CNBD1: variants seen among roughly 807,000 people sequenced by gnomAD.
CNBD1 encodes the protein cyclic nucleotide-binding domain-containing protein 1.
A neutral mutation model predicts 54.4 loss-of-function variants in CNBD1; 71 were observed. The observed-to-expected ratio is 1.30, with a 90% CI of 1.08 to 1.59. CNBD1 has a LOEUF of 1.59. CNBD1 is among the 40% of genes most tolerant of loss of function. The probability of loss-of-function intolerance (pLI) is 0.00; values close to 1 mark genes in which losing one functional copy is unlikely to be tolerated. For missense variants in CNBD1, 659 were observed against 518.0 expected, an observed-to-expected ratio of 1.27 and a Z score of -2.64; for synonymous variants, 182 against 170.7, an observed-to-expected ratio of 1.07 and a Z score of -0.51.
chr8:87,283,930 G>A (rs555680614), intron 6 of CNBD1, among the ~76,000 whole-genome samples: 4 of 152,046 alleles, frequency 2.6e-5, no homozygotes, highest in Non-Finnish European at 5.9e-5. Context: ...ATTTGGACTT[G>A]CAGATTCGAG....
Position 86,889,815 on chromosome 8 carries a change from T to C in CNBD1, c.158+2204T>C, listed in dbSNP as rs114160938. Among the ~76,000 whole-genome samples, 631 of 152,268 alleles carry C rather than the reference T, an allele frequency of 4.1e-3. 4 individuals are homozygous for C. The highest frequency in any genetic ancestry group is 0.015 in the African/African-American group (611 of 41,574). On this transcript the variant is annotated intron_variant, in intron 2 of 10. Transcript: ENST00000518476. ...ACATTTGGCATAGAGTTCAATGTTT[T>C]GCACTGGATTTTATTTTGATGTTCA...
At chr8:87,237,875 A>G (rs1563519338) in intron 6 of CNBD1, among the ~76,000 whole-genome samples, 2 of 152,176 alleles carry the variant, frequency 1.3e-5, no homozygotes. Context: ...ATAAAAATGA[A>G]CAAGCCTATA....
chr8:87,122,965 A>C (rs912362082), intron 4 of CNBD1, among the ~76,000 whole-genome samples: 3 of 151,800 alleles, frequency 2.0e-5, no homozygotes, highest in Non-Finnish European at 4.4e-5. Flanking sequence ...ATTTGTTTTC[A>C]AATCTAGTAA....
chr8:87,377,979 T>C (rs549102017), intron 10 of CNBD1, among the ~76,000 whole-genome samples: 68 of 138,382 alleles, frequency 4.9e-4, no homozygotes, highest in African/African-American at 1.2e-3. Context: ...TCATGTCCTT[T>C]GCCCACTTTT....
intron 2 of CNBD1, among the ~76,000 whole-genome samples, chr8:87,389,512 G>T (rs554630247): frequency 1.6e-4 from 24 of 152,218 alleles, no homozygotes; most frequent in Non-Finnish European, 3.1e-4. Context: ...TTGCTTCAAA[G>T]AGAATAAAAT....
intron 2 of CNBD1, among the ~76,000 whole-genome samples, chr8:86,897,858 T>C (rs180731841): frequency 1.3e-5 from 2 of 152,222 alleles, no homozygotes; most frequent in East Asian, 1.9e-4. Context: ...TAAAAGTACC[T>C]CTTAGTATTT....
At chr8:86,903,961 T>C (rs568128359) in intron 2 of CNBD1, among the ~76,000 whole-genome samples, 1 of 152,006 alleles carries the variant, frequency 6.6e-6, no homozygotes, top group African/African-American at 2.4e-5. Flanking sequence ...TGTGAGAAAG[T>C]GAATAAAAAT....
At chr8:87,044,299 C>T (rs947928255) in intron 4 of CNBD1, among the ~76,000 whole-genome samples, 1 of 151,792 alleles carries the variant, frequency 6.6e-6, no homozygotes, top group East Asian at 1.9e-4. Context: ...TCAGATTCCA[C>T]AAAATCTGGA....
intron 4 of CNBD1, among the ~76,000 whole-genome samples, chr8:87,108,444 A>AAGTT (rs1811588424): frequency 6.6e-6 from 1 of 152,160 alleles, no homozygotes; most frequent in African/African-American, 2.4e-5. Context: ...TAAAGTATAC[A>AAGTT]AGTTACTAGG....
At chr8:87,219,546 A>G (rs1006162629) in intron 5 of CNBD1, among the ~76,000 whole-genome samples, 1 of 152,008 alleles carries the variant, frequency 6.6e-6, no homozygotes, top group African/African-American at 2.4e-5. Context: ...GCCAGAATAT[A>G]TATGCATATA....
intron 6 of CNBD1, among the ~76,000 whole-genome samples, chr8:87,242,056 T>A (rs1208420421): frequency 2.0e-5 from 3 of 152,176 alleles, no homozygotes; most frequent in African/African-American, 7.2e-5. Context: ...TTATACCCTC[T>A]TGCTTTTGGT....
At chr8:87,378,684 T>C (rs1257613668) in intron 10 of CNBD1, among the ~76,000 whole-genome samples, 3 of 150,930 alleles carry the variant, frequency 2.0e-5, no homozygotes, top group African/African-American at 7.4e-5. Context: ...TTTCCAATTC[T>C]GCGAAGAAAG....
At chr8:87,324,199 G>T (rs970955089) in intron 8 of CNBD1, among the ~76,000 whole-genome samples, 1 of 127,578 alleles carries the variant, frequency 7.8e-6, no homozygotes, top group South Asian at 2.3e-4. Context: ...GCTGGATTCG[G>T]TTTGCCAGTA....
intron 4 of CNBD1, among the ~76,000 whole-genome samples, chr8:87,043,165 C>T (rs1810109650): frequency 6.6e-6 from 1 of 152,152 alleles, no homozygotes; most frequent in African/African-American, 2.4e-5. Context: ...ATGTGTGGAA[C>T]AGGTTGTTGT....
intron 8 of CNBD1, among the ~76,000 whole-genome samples, chr8:87,291,729 C>A (rs1226481433): frequency 1.3e-5 from 2 of 152,122 alleles, no homozygotes; most frequent in African/African-American, 4.8e-5. Context: ...AGTGATCATT[C>A]AACCTCAGCC....
At chr8:86,953,279 G>A (rs550982682) in intron 4 of CNBD1, among the ~76,000 whole-genome samples, 1 of 152,266 alleles carries the variant, frequency 6.6e-6, no homozygotes, top group South Asian at 2.1e-4. Context: ...TTAATCATAT[G>A]TTAAACTTCT....
At chr8:87,102,419 A>G (rs1226613295) in intron 4 of CNBD1, among the ~76,000 whole-genome samples, 1 of 152,152 alleles carries the variant, frequency 6.6e-6, no homozygotes, top group Non-Finnish European at 1.5e-5. Flanking sequence ...ATCCAACCAG[A>G]TTTGTGGTTT....
intron 10 of CNBD1, among the ~76,000 whole-genome samples, chr8:87,370,507 T>C (rs1296936297): frequency 6.6e-6 from 1 of 152,332 alleles, no homozygotes; most frequent in East Asian, 1.9e-4. Flanking sequence ...ATGTGTCTTT[T>C]GGCTGCATAA....
chr8:86,945,608 G>A (rs1287752229), intron 4 of CNBD1, among the ~76,000 whole-genome samples: 8 of 152,108 alleles, frequency 5.3e-5, no homozygotes, highest in South Asian at 2.1e-4. Context: ...GAGGAAAACC[G>A]CACTTCAATG....
Sources: allele counts gnomAD v4.1 joint callset (sites outside exome capture counted in the v4.1 genomes callset), GRCh38; gene constraint gnomAD v4.1.1; transcripts MANE v1.5; gene names NCBI Gene and HGNC (gene_info 2026-07-23, HGNC 2026-07-21).